The following ZNF704 variants were observed in gnomAD, a reference collection of about 807,000 sequenced individuals.
ZNF704 encodes the protein glucocorticoid induced gene 1.
Under a neutral mutation model 44.7 loss-of-function variants are expected in ZNF704, and 10 were observed. The ratio of observed to expected loss-of-function variants is 0.22; its 90% CI spans 0.14 to 0.38. The LOEUF (loss-of-function observed/expected upper bound fraction) is 0.38, where lower values mean the gene tolerates loss of function less well. Ranked by LOEUF, ZNF704 falls within the 10% of genes least tolerant of loss-of-function variation. The probability of loss-of-function intolerance (pLI) is 1.00; values close to 1 mark genes in which losing one functional copy is unlikely to be tolerated. For synonymous variants in ZNF704, 211 were observed against 207.6 expected (o/e 1.02, Z -0.14); for missense variants, 390 against 545.5 (o/e 0.71, Z 2.84).
At chr8:80,643,388 T>C (rs1161472078) in intron 7 of ZNF704, among the ~76,000 whole-genome samples, 1 of 151,756 alleles carries the variant, frequency 6.6e-6, no homozygotes, top group Non-Finnish European at 1.5e-5. Flanking sequence ...GTTGGGGTTG[T>C]GTGCCTGTAA....
In ZNF704 at chr8:80,631,528, G is replaced by C. The variant is rs990164423; in HGVS notation, c.*9838C>G. 2 of 152,240 alleles carry C rather than the reference G, an allele frequency of 1.3e-5. No homozygotes were observed. Among genetic ancestry groups the C allele is most frequent in the Non-Finnish European group, 2.9e-5 (2 of 68,056 alleles). The allele number at this position is 152,240 out of a possible 1,614,324, so 9.4% of individuals were successfully genotyped here. ...AGAGCCTGGAGTAATTAAACATGGAGCCCTCTTGCTCTGTCCTCATTGTCC... is the reference window on the plus strand; with the variant it reads ...AGAGCCTGGAGTAATTAAACATGGACCCCTCTTGCTCTGTCCTCATTGTCC... On this transcript the variant is annotated 3_prime_UTR_variant, in exon 9 of 9. Transcript: ENST00000327835.
intron 2 of ZNF704, among the ~76,000 whole-genome samples, chr8:80,728,664 G>A (rs1261931722): frequency 6.6e-6 from 1 of 152,192 alleles, no homozygotes; most frequent in Non-Finnish European, 1.5e-5. Context: ...TAAAGGCACA[G>A]AGTAATTGGG....
At chr8:80,742,520 C>T (rs533324792) in intron 2 of ZNF704, among the ~76,000 whole-genome samples, 6 of 152,270 alleles carry the variant, frequency 3.9e-5, no homozygotes, top group East Asian at 1.9e-4. Context: ...AGGCCTGTGA[C>T]GTGTGCCAAA....
intron 2 of ZNF704, among the ~76,000 whole-genome samples, chr8:80,816,380 G>T (rs1457205720): frequency 6.6e-6 from 1 of 152,188 alleles, no homozygotes; most frequent in East Asian, 1.9e-4. Context: ...AAACTCGAAT[G>T]TCTATTAACT....
upstream of ZNF704, among the ~76,000 whole-genome samples, chr8:80,878,249 AAAGAAAGGAAGG>A (rs1476504653): frequency 4.0e-4 from 55 of 137,198 alleles, no homozygotes; most frequent in Admixed American, 1.3e-3. Flanking sequence ...AAAGAAAGAG[AAAGAAAGGAAGG>A]AAGGAAGGAA....
At chr8:80,759,180 G>A (rs1481856593) in intron 2 of ZNF704, among the ~76,000 whole-genome samples, 1 of 152,148 alleles carries the variant, frequency 6.6e-6, no homozygotes, top group Non-Finnish European at 1.5e-5. Context: ...GACTGATTAG[G>A]GACTGTGGGC....
chr8:80,771,601 T>C (rs1807321414), intron 2 of ZNF704, among the ~76,000 whole-genome samples: 1 of 152,200 alleles, frequency 6.6e-6, no homozygotes, highest in Admixed American at 6.5e-5. Flanking sequence ...TTTTTAAAAA[T>C]AAATTCCTTG....
intron 2 of ZNF704, among the ~76,000 whole-genome samples, chr8:80,789,466 G>T (rs115064241): frequency 0.019 from 2,848 of 152,304 alleles, 95 homozygotes; most frequent in African/African-American, 0.065. Context: ...CTAAAAATAG[G>T]CTGGGTGTGG....
At chr8:80,832,856 T>G (rs1258118971) in intron 1 of ZNF704, among the ~76,000 whole-genome samples, 1 of 152,102 alleles carries the variant, frequency 6.6e-6, no homozygotes, top group Non-Finnish European at 1.5e-5. Flanking sequence ...TTCAGATTAT[T>G]CCCCTCCACA....
intron 1 of ZNF704, among the ~76,000 whole-genome samples, chr8:80,848,877 T>G (rs1003194304): frequency 4.6e-5 from 7 of 152,096 alleles, no homozygotes; most frequent in Non-Finnish European, 7.4e-5. Flanking sequence ...GCACAAGCAG[T>G]AAAAGAACTT....
rs192542852 is a variant in ZNF704, at chr8:80,674,076, C to T, written c.559-3473G>A. ...AAGCTCTTTGAGGGACGTGAAAATGCGGAGAAGCAAAGACACAATTAGGAG... is the reference window on the plus strand; with the variant it reads ...AAGCTCTTTGAGGGACGTGAAAATGTGGAGAAGCAAAGACACAATTAGGAG... On this transcript the variant is annotated intron_variant, in intron 4 of 8. Transcript: ENST00000327835. 2.9e-4 allele frequency among the ~76,000 whole-genome samples: 44 copies of T among 152,304 alleles called. No homozygotes were observed. The East Asian group carries it at 6.2e-3, about 21-fold the overall frequency.
At chr8:80,682,427 T>C (rs1014059086) in intron 4 of ZNF704, among the ~76,000 whole-genome samples, 1 of 152,240 alleles carries the variant, frequency 6.6e-6, no homozygotes, top group African/African-American at 2.4e-5. Context: ...TGATGAAGGC[T>C]GAAATTTAGA....
chr8:80,815,810 A>G (rs1437877995), intron 2 of ZNF704, among the ~76,000 whole-genome samples: 3 of 152,236 alleles, frequency 2.0e-5, no homozygotes, highest in Admixed American at 6.5e-5. Flanking sequence ...TGGAAGCCTC[A>G]TGGCTGAATT....
intron 4 of ZNF704, among the ~76,000 whole-genome samples, chr8:80,676,791 G>A (rs896963989): frequency 2.6e-5 from 4 of 152,218 alleles, no homozygotes; most frequent in African/African-American, 9.7e-5. Flanking sequence ...TCAGGCATTA[G>A]TTAAGATTCT....
At chr8:80,731,884 C>T (rs1806588172) in intron 2 of ZNF704, among the ~76,000 whole-genome samples, 1 of 152,146 alleles carries the variant, frequency 6.6e-6, no homozygotes, top group Non-Finnish European at 1.5e-5. Flanking sequence ...AGGTTAGTTA[C>T]CAAGGGCTAG....
intron 1 of ZNF704, among the ~76,000 whole-genome samples, chr8:80,844,821 T>C (rs1209009253): frequency 6.6e-6 from 1 of 150,786 alleles, no homozygotes; most frequent in Non-Finnish European, 1.5e-5. Flanking sequence ...GAATTTTTTT[T>C]CTTCTCTTTT....
rs976008985 is a variant in ZNF704 at position 80,659,925 on chromosome 8, T to C, written c.928-236A>G. ...AAAGAGATGGTTTTTGACTGTTGAT[T>C]TCTGAAAAGAAATTTTATTATATGT... On this transcript the variant is annotated intron_variant, in intron 6 of 8. Coordinates refer to ENST00000327835, the MANE Select transcript of ZNF704 (RefSeq NM_001033723.3). Among the ~76,000 whole-genome samples the C allele has an allele frequency of 1.5e-4, 23 of 152,190 alleles. 1 individual carries two copies. The highest frequency in any genetic ancestry group is 6.5e-5 in the Admixed American group (1 of 15,280).
rs1238527625 is a variant in ZNF704 at position 80,663,195 on chromosome 8, T to C, written c.927+1620A>G. ...AGGAGTTCGAGACCAGCCTGGGCAA[T>C]GTAGTGAGAGCTCGTCTCTACAAAA... On this transcript the variant is annotated intron_variant, in intron 6 of 8. Coordinates refer to ENST00000327835, the MANE Select transcript of ZNF704 (RefSeq NM_001033723.3). Among the ~76,000 whole-genome samples the C allele has an allele frequency of 3.9e-5, 6 of 151,954 alleles. No homozygotes were observed. In the East Asian group the frequency reaches 9.7e-4, roughly 25 times the overall value.
chr8:80,868,889 T>A (rs940135950), intron 1 of ZNF704, among the ~76,000 whole-genome samples: 6 of 152,122 alleles, frequency 3.9e-5, no homozygotes, highest in East Asian at 3.9e-4. Flanking sequence ...AATAATTCCA[T>A]CTCTTTCTTT....
Sources: allele counts gnomAD v4.1 joint callset (sites outside exome capture counted in the v4.1 genomes callset), GRCh38; gene constraint gnomAD v4.1.1; transcripts MANE v1.5; gene names NCBI Gene and HGNC (gene_info 2026-07-23, HGNC 2026-07-21).